The following DAB1 variants were observed in gnomAD, a reference collection of about 807,000 sequenced individuals.
DAB1 encodes the protein disabled homolog 1.
Under a neutral mutation model 64.6 loss-of-function variants are expected in DAB1, and 15 were observed. The observed-to-expected ratio is 0.23, with a 90% CI of 0.16 to 0.36. DAB1 has a LOEUF of 0.36. Among genes scored for constraint, DAB1 ranks in the 10% least tolerant of loss-of-function variants. The probability of loss-of-function intolerance (pLI) is 1.00; values close to 1 mark genes in which losing one functional copy is unlikely to be tolerated. For missense variants in DAB1, 596 were observed against 706.7 expected, an observed-to-expected ratio of 0.84 and a Z score of 1.78; for synonymous variants, 235 against 251.9, an observed-to-expected ratio of 0.93 and a Z score of 0.64.
At chr1:58,327,004 G>A (rs141727636) in intron 4 of DAB1, among the ~76,000 whole-genome samples, 8 of 152,046 alleles carry the variant, frequency 5.3e-5, no homozygotes. Context: ...TTAAAGAGAG[G>A]GAATAATCTG....
chr1:58,310,225 C>T (rs574264512), intron 4 of DAB1, among the ~76,000 whole-genome samples: 1 of 152,284 alleles, frequency 6.6e-6, no homozygotes, highest in East Asian at 1.9e-4. Context: ...CCTATGCCAT[C>T]TCTGAACACC....
chr1:57,267,969 A>G (rs1022012380), intron 2 of DAB1, among the ~76,000 whole-genome samples: 27 of 152,230 alleles, frequency 1.8e-4, no homozygotes, highest in African/African-American at 5.8e-4. Flanking sequence ...CACAGGGTTT[A>G]TTAAATCATT....
At chr1:57,954,497 G>A (rs1645345552) in intron 5 of DAB1, among the ~76,000 whole-genome samples, 1 of 152,072 alleles carries the variant, frequency 6.6e-6, no homozygotes, top group African/African-American at 2.4e-5. Flanking sequence ...AAGAAAGCGA[G>A]GCTACGATGG....
chr1:57,747,596 T>C (rs1306874358), intron 6 of DAB1, among the ~76,000 whole-genome samples: 1 of 151,406 alleles, frequency 6.6e-6, no homozygotes, highest in Non-Finnish European at 1.5e-5. Context: ...GATCACAAGG[T>C]CAGGAGATCA....
At chr1:57,843,300 A>G (rs1003034327) in intron 1 of DAB1, among the ~76,000 whole-genome samples, 6 of 152,348 alleles carry the variant, frequency 3.9e-5, no homozygotes, top group Admixed American at 3.9e-4. Flanking sequence ...TTTGAAGGCA[A>G]ACATAACACA....
chr1:57,168,058 G>A (rs568411588), intron 2 of DAB1, among the ~76,000 whole-genome samples: 49 of 152,184 alleles, frequency 3.2e-4, no homozygotes, highest in Non-Finnish European at 5.3e-4. Context: ...CTAAAATGTC[G>A]TAACAGTCAC....
intron 3 of DAB1, among the ~76,000 whole-genome samples, chr1:57,141,918 G>T (rs965237723): frequency 1.3e-5 from 2 of 152,074 alleles, no homozygotes; most frequent in East Asian, 1.9e-4. Context: ...AGGCCCTCTT[G>T]GTGTCTGGGT....
chr1:57,446,652 A>T lies in DAB1; in HGVS notation n.626-155486T>A, dbSNP rs1193114659. ...CCAGTTTTAGCTGGAGGAACCCAGA[A>T]GTTTGTTTAGTCACATTCCCACCTG... On this transcript the variant is annotated intron_variant and non_coding_transcript_variant, in intron 7 of 20. Coordinates refer to the DAB1 transcript ENST00000485760. 2.0e-5 allele frequency among the ~76,000 whole-genome samples: 3 copies of T among 152,086 alleles called. No homozygotes were observed. The East Asian group carries it at 5.8e-4, about 29-fold the overall frequency.
chr1:57,550,648 T>A (rs1296259451), intron 7 of DAB1, among the ~76,000 whole-genome samples: 1 of 152,134 alleles, frequency 6.6e-6, no homozygotes, highest in Non-Finnish European at 1.5e-5. Flanking sequence ...TATATCTTCT[T>A]TTTTGGTTTT....
intron 4 of DAB1, among the ~76,000 whole-genome samples, chr1:58,236,124 G>A (rs1353685721): frequency 1.8e-4 from 3 of 16,464 alleles, no homozygotes; most frequent in African/African-American, 2.1e-4. Flanking sequence ...ACCCCGCCCC[G>A]CCCCCACTCC....
intron 7 of DAB1, among the ~76,000 whole-genome samples, chr1:57,574,028 G>GTTCTTAGA (rs1246015876): frequency 6.6e-6 from 1 of 152,144 alleles, no homozygotes; most frequent in Non-Finnish European, 1.5e-5. Context: ...AAGAAGAGTG[G>GTTCTTAGA]TTCTTAGAGA....
At chr1:57,313,857 C>A (rs1490299923) in intron 1 of DAB1, among the ~76,000 whole-genome samples, 1 of 152,144 alleles carries the variant, frequency 6.6e-6, no homozygotes, top group Non-Finnish European at 1.5e-5. Flanking sequence ...CATGTTCTTA[C>A]AGGAAAGACC....
intron 5 of DAB1, among the ~76,000 whole-genome samples, chr1:57,927,892 T>G (rs2102032253): frequency 6.6e-6 from 1 of 152,292 alleles, no homozygotes; most frequent in South Asian, 2.1e-4. Flanking sequence ...TACTAAATAT[T>G]TTACAATTTG....
chr1:57,813,867 T>G (rs928943405), intron 6 of DAB1, among the ~76,000 whole-genome samples: 27 of 152,186 alleles, frequency 1.8e-4, no homozygotes, highest in Non-Finnish European at 3.1e-4. Context: ...CAATAAACAA[T>G]AAAGTCCACA....
At chr1:57,539,274 T>C (rs1644767186) in intron 7 of DAB1, among the ~76,000 whole-genome samples, 1 of 152,170 alleles carries the variant, frequency 6.6e-6, no homozygotes, top group South Asian at 2.1e-4. Context: ...AACAAACAAA[T>C]GAATAAAAAT....
At chr1:58,501,266 A>C (rs937479750) in intron 3 of DAB1, among the ~76,000 whole-genome samples, 1 of 152,116 alleles carries the variant, frequency 6.6e-6, no homozygotes, top group African/African-American at 2.4e-5. Flanking sequence ...TTTTTTTTCT[A>C]ATGTGATGGG....
intron 1 of DAB1, among the ~76,000 whole-genome samples, chr1:57,398,855 C>T (rs75258482): frequency 0.012 from 1,849 of 152,304 alleles, 48 homozygotes; most frequent in African/African-American, 0.042. Flanking sequence ...TCACAGGGTA[C>T]CCAATTACAT....
chr1:57,111,466 A>G (rs555131904), intron 4 of DAB1, among the ~76,000 whole-genome samples: 2 of 152,228 alleles, frequency 1.3e-5, no homozygotes, highest in South Asian at 4.2e-4. Flanking sequence ...CTCTTGTTTT[A>G]TCTACACCAA....
chr1:58,074,541 TATACAC>T (rs2100578561), intron 5 of DAB1: 2 of 97,522 alleles, frequency 2.1e-5, no homozygotes, highest in African/African-American at 8.7e-5. Context: ...TATATATATA[TATACAC>T]ACATATATAT....
Sources: allele counts gnomAD v4.1 joint callset (sites outside exome capture counted in the v4.1 genomes callset), GRCh38; gene constraint gnomAD v4.1.1; transcripts MANE v1.5; gene names NCBI Gene and HGNC (gene_info 2026-07-23, HGNC 2026-07-21).